The following P4HB variants were observed in gnomAD, a reference collection of about 807,000 sequenced individuals.
P4HB encodes the protein protein disulfide-isomerase.
Under a neutral mutation model 52.6 loss-of-function variants are expected in P4HB, and 20 were observed. That is an observed-to-expected ratio of 0.38 (90% CI 0.27 to 0.55). The LOEUF (loss-of-function observed/expected upper bound fraction) is 0.55. P4HB is among the 20% of genes least tolerant of loss of function. The probability of loss-of-function intolerance (pLI) is 0.74; values close to 1 mark genes in which losing one functional copy is unlikely to be tolerated. For synonymous variants in P4HB, 296 were observed against 277.9 expected, an observed-to-expected ratio of 1.07 and a Z score of -0.65; for missense variants, 601 against 669.2, an observed-to-expected ratio of 0.90 and a Z score of 1.12.
rs1429670135 is a variant in P4HB at position 81,847,005 on chromosome 17, G to A, written c.797C>T (p.Ser266Phe). The change falls in exon 6 of 11, where the codon TCT (serine) becomes TTT (phenylalanine). Residue 266 changes from serine to phenylalanine, a missense_variant. Physicochemically the swap from Ser to Phe is radical, Grantham distance 155. Transcript: ENST00000331483. The stretch of plus-strand genomic sequence containing the variant: ...GTTGCTCAGTTTGCCGTCATAGTCA[G>A]ACACACTCTTGGGCAAGAACAGCAG... The part of the protein sequence containing the change: ...HILLFLPKSV[S>F]DYDGKLSNFK... 6.2e-7 allele frequency: 1 copy of A among 1,614,072 alleles called. No individual in the cohort carries two copies. Among genetic ancestry groups the A allele is most frequent in the Non-Finnish European group, 8.5e-7 (1 of 1,180,008 alleles).
intron 4 of P4HB, among the ~76,000 whole-genome samples, chr17:81,852,694 T>G (rs1225611484): frequency 2.0e-5 from 3 of 152,326 alleles, no homozygotes; most frequent in Admixed American, 2.0e-4. Flanking sequence ...GACAGAACGT[T>G]AACCTGTGGG....
chr17:81,853,112 A>G (rs187340649), intron 4 of P4HB, among the ~76,000 whole-genome samples: 10 of 152,320 alleles, frequency 6.6e-5, no homozygotes, highest in African/African-American at 2.4e-4. Context: ...GGTAAAGAGC[A>G]TCTACTGTCT....
intron 4 of P4HB, chr17:81,847,633 C>A (rs1161692161): frequency 6.1e-6 from 3 of 489,660 alleles, no homozygotes; most frequent in African/African-American, 1.9e-5. Context: ...TGGCCCATCC[C>A]CAGGGCCCCT....
Position 81,847,141 on chromosome 17 carries a change from C to T in P4HB, c.730-69G>A, listed in dbSNP as rs1438593139. Reference sequence around the variant, plus strand: ...TAATGCAGAAGATTCTCCCAATGGCCTCCAATGTCAGACGCTGGACAGCAG... The same window carrying T: ...TAATGCAGAAGATTCTCCCAATGGCTTCCAATGTCAGACGCTGGACAGCAG... On this transcript the variant is annotated intron_variant, in intron 5 of 10. Transcript: ENST00000331483. The T allele has an allele frequency of 6.2e-6, 10 of 1,605,284 alleles. No homozygotes were observed. The East Asian group carries it at 6.7e-5, about 11-fold the overall frequency.
chr17:81,853,201 C>G (rs2038859304), intron 4 of P4HB, among the ~76,000 whole-genome samples: 1 of 152,184 alleles, frequency 6.6e-6, no homozygotes, highest in Admixed American at 6.5e-5. Context: ...TCCTGACCCA[C>G]CCGCACCACC....
chr17:81,848,736 C>CAAAAAA (rs770133887), intron 4 of P4HB, among the ~76,000 whole-genome samples: 2 of 24,450 alleles, frequency 8.2e-5, no homozygotes, highest in Admixed American at 5.0e-4. Flanking sequence ...AACTCTGTCT[C>CAAAAAA]AAAAAAAAAA....
Position 81,845,852 on chromosome 17 carries a change from C to T in P4HB, c.1177+19G>A, listed in dbSNP as rs1177198821. 4 of 1,613,898 alleles carry T rather than the reference C, an allele frequency of 2.5e-6. No homozygotes were observed. Among genetic ancestry groups the T allele is most frequent in the Non-Finnish European group, 1.7e-6 (2 of 1,180,024 alleles). On this transcript the variant is annotated intron_variant, in intron 8 of 10. Coordinates refer to ENST00000331483, the MANE Select transcript of P4HB (RefSeq NM_000918.4). ...GCCCTGGTGGCACGGACCTGGGGAG[C>T]TGAAAGGGCAACACTTACAGAACTC... is the stretch of plus-strand genomic sequence containing the variant.
At position 81,860,510 on chromosome 17, in the gene P4HB, G is replaced by T; in HGVS notation, c.-39C>A. 8.1e-7 allele frequency: 1 copy of T among 1,239,420 alleles called. No individual in the cohort carries two copies. Among genetic ancestry groups the T allele is most frequent in the Non-Finnish European group, 1.0e-6 (1 of 989,662 alleles). 76.8% of individuals were successfully genotyped at this position (1,239,420 alleles called of 1,614,324 possible). A position where few individuals can be genotyped will look rare whatever the true frequency, so the allele number is the denominator to read the frequency against. ...CAGGCGGGGCGCTTCGGTTGGCGCC[G>T]CCGGGACAGCGGGGGCGACGAGAGC... On this transcript the variant is annotated 5_prime_UTR_variant, in exon 1 of 11. Coordinates refer to ENST00000331483, the MANE Select transcript of P4HB (RefSeq NM_000918.4).
chr17:81,859,497 T>C (rs2038964027), intron 1 of P4HB, 110 bp from the exon 2 acceptor site: 3 of 945,602 alleles, frequency 3.2e-6, no homozygotes, highest in Admixed American at 4.1e-5. Context: ...AAAAACCTTA[T>C]CTACTCACCA....
Position 81,846,088 on chromosome 17 carries a change from C to A in P4HB, c.1057-97G>T. 7.1e-7 allele frequency: 1 copy of A among 1,401,956 alleles called. No homozygotes were observed. Among genetic ancestry groups the A allele is most frequent in the Non-Finnish European group, 9.4e-7 (1 of 1,060,948 alleles). 86.8% of individuals were successfully genotyped at this position (1,401,956 alleles called of 1,614,324 possible). A position where few individuals can be genotyped will look rare whatever the true frequency, so the allele number is the denominator to read the frequency against. ...TGCCCGGGACTGAGGTGCGTGGCTG[C>A]CCTGGGCACACCAGGGTGGCAGCCG... On this transcript the variant is annotated intron_variant, in intron 7 of 10. Transcript: ENST00000331483. The surrounding 1 kb of genome is among the most constrained non-coding windows in gnomAD (Gnocchi z 5.7).
At chr17:81,860,014 C>G (rs1172157276) in intron 1 of P4HB, 1 of 247,642 alleles carries the variant, frequency 4.0e-6, no homozygotes, top group Non-Finnish European at 7.7e-6. Context: ...TCCGGGTCGG[C>G]CCCCGGGGAG....
Position 81,845,754 on chromosome 17 carries a change from G to C in P4HB, c.1178-12C>G. 6.2e-7 allele frequency: 1 copy of C among 1,612,404 alleles called. No individual in the cohort carries two copies. Among genetic ancestry groups the C allele is most frequent in the Non-Finnish European group, 8.5e-7 (1 of 1,178,802 alleles). On this transcript the variant is annotated splice_polypyrimidine_tract_variant and intron_variant, in intron 8 of 10. Transcript: ENST00000331483. Reference sequence around the variant, plus strand: ...ACACCATGGGGCATCTGAAAAGAAAGCAGTTCTAGGGTGTGTCCTGGACAC... The same window carrying C: ...ACACCATGGGGCATCTGAAAAGAAACCAGTTCTAGGGTGTGTCCTGGACAC...
intron 4 of P4HB, among the ~76,000 whole-genome samples, chr17:81,854,737 G>A (rs1320801746): frequency 1.3e-5 from 2 of 151,904 alleles, no homozygotes; most frequent in Non-Finnish European, 2.9e-5. Context: ...AGCTACTCGG[G>A]AGGCCGAGGC....
intron 4 of P4HB, among the ~76,000 whole-genome samples, chr17:81,851,269 C>T (rs942162434): frequency 7.9e-5 from 12 of 152,194 alleles, no homozygotes; most frequent in Admixed American, 3.3e-4. Context: ...AAATAAATCA[C>T]GCATCCTTTC....
At chr17:81,845,327 G>C in intron 9 of P4HB, 97 bp from the exon 10 acceptor site, 3 of 1,079,972 alleles carry the variant, frequency 2.8e-6, no homozygotes, top group Non-Finnish European at 4.2e-6. Context: ...GAGCAGGCCC[G>C]GTCCGGTGGC....
intron 5 of P4HB, 56 bp from the exon 6 acceptor site, chr17:81,847,128 T>C (rs1183190538): frequency 1.2e-6 from 2 of 1,609,892 alleles, no homozygotes; most frequent in Non-Finnish European, 1.7e-6. Context: ...ATGCAGAAGA[T>C]TCTCCCAATG....
At position 81,843,592 on chromosome 17, in the gene P4HB, C is replaced by T. The variant is rs995315684; in HGVS notation, c.*420G>A. On this transcript the variant is annotated 3_prime_UTR_variant, in exon 11 of 11. Coordinates refer to ENST00000331483, the MANE Select transcript of P4HB (RefSeq NM_000918.4). ...CTCCCACACGGGGGACAAGCTTCTC[C>T]GAGGAGGCCTGGCCAAGGTGGAACA... is the stretch of plus-strand genomic sequence containing the variant. 8 of 444,496 alleles carry T rather than the reference C, an allele frequency of 1.8e-5. No individual in the cohort carries two copies. The highest frequency in any genetic ancestry group is 6.5e-5 in the South Asian group (1 of 15,336). The allele number at this position is 444,496 out of a possible 1,614,324, so 27.5% of individuals were successfully genotyped here.
At chr17:81,858,756 GGAGA>G (rs2038953904) in intron 2 of P4HB, 2 of 200,256 alleles carry the variant, frequency 1.0e-5, no homozygotes, top group Non-Finnish European at 2.1e-5. Context: ...GAGGATGCGA[GGAGA>G]AATCACGCAA....
intron 4 of P4HB, among the ~76,000 whole-genome samples, chr17:81,853,703 C>T (rs2038868889): frequency 6.6e-6 from 1 of 152,168 alleles, no homozygotes; most frequent in Admixed American, 6.5e-5. Flanking sequence ...GGTTCTTCTC[C>T]CCTCTGGAAA....
Sources: allele counts gnomAD v4.1 joint callset (sites outside exome capture counted in the v4.1 genomes callset), GRCh38; gene constraint gnomAD v4.1.1; non-coding constraint Gnocchi (gnomAD v3.1); transcripts MANE v1.5; gene names NCBI Gene and HGNC (gene_info 2026-07-23, HGNC 2026-07-21).